Variants in ZNF536 observed in about 807,000 individuals in gnomAD.
The protein encoded by ZNF536 is zinc finger protein 536.
Under a neutral mutation model 84.5 loss-of-function variants are expected in ZNF536, and 13 were observed. The observed-to-expected ratio is 0.15, with a 90% CI of 0.10 to 0.24. ZNF536 has a LOEUF of 0.24. Ranked by LOEUF, ZNF536 falls within the 10% of genes least tolerant of loss-of-function variation. The pLI, the probability that ZNF536 is intolerant of heterozygous loss-of-function variation, is 1.00. For missense variants in ZNF536, 1,536 were observed against 1,747.5 expected (o/e 0.88, Z 2.16); for synonymous variants, 811 against 742.5 (o/e 1.09, Z -1.50).
chr19:30,544,773 C>T (rs2045476838), intron 3 of ZNF536, among the ~76,000 whole-genome samples: 1 of 152,190 alleles, frequency 6.6e-6, no homozygotes, highest in South Asian at 2.1e-4. Flanking sequence ...ACAAGTAGCA[C>T]TGGCTCTATT....
intron 2 of ZNF536, among the ~76,000 whole-genome samples, chr19:30,509,431 A>G (rs568621929): frequency 2.0e-5 from 3 of 148,196 alleles, no homozygotes; most frequent in Non-Finnish European, 4.5e-5. Flanking sequence ...TATAATATAT[A>G]ATGTATGCAT....
chr19:30,256,834 T>C (rs897378216), intron 1 of ZNF536, among the ~76,000 whole-genome samples: 1 of 152,236 alleles, frequency 6.6e-6, no homozygotes, highest in Non-Finnish European at 1.5e-5. Flanking sequence ...AATATTCATT[T>C]ATCAGTATTG....
intron 1 of ZNF536, among the ~76,000 whole-genome samples, chr19:30,682,682 C>T (rs567652222): frequency 3.3e-5 from 5 of 152,290 alleles, no homozygotes; most frequent in Admixed American, 1.3e-4. Flanking sequence ...TCCTGCCCTC[C>T]CTCTCTGCCT....
In ZNF536 at chr19:30,444,492, G is replaced by A. The variant is rs1436054389; in HGVS notation, c.930G>A (p.Ser310=). ...GCACGTTGTGCGACTTCGCGGCTTC[G>A]CAGGAGGAGGAGCTCATCAGCCACG... The part of the protein sequence containing the change: ...YKCTLCDFAA[S]QEEELISHVE... Residue 310 remains serine (S), a synonymous_variant, in exon 2 of 5, where the codon TCG becomes TCA. Transcript: ENST00000355537. 6.2e-7 allele frequency: 1 copy of A among 1,611,454 alleles called. No individual in the cohort carries two copies. The highest frequency in any genetic ancestry group is 8.5e-7 in the Non-Finnish European group (1 of 1,179,754).
intron 1 of ZNF536, among the ~76,000 whole-genome samples, chr19:30,653,104 G>C (rs1014536367): frequency 1.3e-5 from 2 of 152,224 alleles, no homozygotes; most frequent in Non-Finnish European, 2.9e-5. Context: ...CTGGAGAGGA[G>C]AGAGGGTTTC....
chr19:30,250,515 T>C (rs2024546019), intron 1 of ZNF536, among the ~76,000 whole-genome samples: 1 of 152,144 alleles, frequency 6.6e-6, no homozygotes, highest in Non-Finnish European at 1.5e-5. Flanking sequence ...TTTGCTGAAG[T>C]CGGGTCTGCA....
intron 1 of ZNF536, among the ~76,000 whole-genome samples, chr19:30,272,547 T>C (rs2025910394): frequency 6.6e-6 from 1 of 152,216 alleles, no homozygotes; most frequent in South Asian, 2.1e-4. Flanking sequence ...GTGGTTTCAC[T>C]GCCCTAAAAA....
intron 3 of ZNF536, among the ~76,000 whole-genome samples, chr19:30,543,437 T>C (rs1475553131): frequency 6.6e-6 from 1 of 152,206 alleles, no homozygotes; most frequent in Non-Finnish European, 1.5e-5. Flanking sequence ...GCCTGTACCA[T>C]GGGGCTGCCC....
intron 1 of ZNF536, among the ~76,000 whole-genome samples, chr19:30,258,339 C>G (rs1050853737): frequency 2.6e-5 from 4 of 152,216 alleles, no homozygotes; most frequent in Non-Finnish European, 5.9e-5. Context: ...AGGAGCTTCA[C>G]AGATAACCAG....
intron 1 of ZNF536, among the ~76,000 whole-genome samples, chr19:30,373,708 C>G (rs1181824030): frequency 6.6e-6 from 1 of 152,210 alleles, no homozygotes; most frequent in Non-Finnish European, 1.5e-5. Flanking sequence ...GCTATCACAA[C>G]GCAGAGAAAG....
chr19:30,649,849 T>A (rs1374435532), intron 1 of ZNF536, among the ~76,000 whole-genome samples: 3 of 152,178 alleles, frequency 2.0e-5, no homozygotes, highest in African/African-American at 7.2e-5. Flanking sequence ...GACGTTTTAA[T>A]TGTTAGTTTA....
rs2045387072 is a variant in ZNF536 at position 30,280,133 on chromosome 19, G to T, written c.-189-3939G>T. Among the ~76,000 whole-genome samples the T allele has an allele frequency of 2.6e-5, 4 of 152,018 alleles. No individual in the cohort carries two copies. In the South Asian group the frequency reaches 8.3e-4, roughly 32 times the overall value. ...CCGCCTCGCCTCCATCTGTCCATCT[G>T]CACTTTCATCCTTCCATCCGCCTCA... On this transcript the variant is annotated intron_variant, in intron 1 of 5. Coordinates refer to the ZNF536 transcript ENST00000585628.
At chr19:30,357,485 G>T (rs189220459) in intron 3 of ZNF536, among the ~76,000 whole-genome samples, 27 of 152,242 alleles carry the variant, frequency 1.8e-4, no homozygotes, top group Non-Finnish European at 4.4e-5. Flanking sequence ...ACCAGAGGGA[G>T]TGTCTTGAGA....
At chr19:30,679,976 G>A (rs533350555) in intron 1 of ZNF536, among the ~76,000 whole-genome samples, 4 of 152,116 alleles carry the variant, frequency 2.6e-5, no homozygotes, top group Non-Finnish European at 5.9e-5. Context: ...CAGGGCCTCT[G>A]TCTCCACTGT....
rs1341060822 is a variant in ZNF536 at position 30,445,380 on chromosome 19, T to A, written c.1818T>A (p.Asp606Glu). The A allele has an allele frequency of 2.5e-6, 4 of 1,613,944 alleles. No homozygotes were observed. Among genetic ancestry groups the A allele is most frequent in the Admixed American group, 1.7e-5 (1 of 60,000 alleles). The change falls in exon 2 of 5, where the codon GAT (aspartate) becomes GAA (glutamate). Residue 606 changes from aspartate to glutamate, a missense_variant. Asp to Glu is a conservative substitution (Grantham distance 45). This residue lies in a region of ZNF536 where 366 missense variants were observed against 364.4 expected (regional missense o/e 1.00). Transcript: ENST00000355537. This position sits in a 1 kb window ranked among gnomAD's most constrained non-coding sequence, Gnocchi z 4.5. ...TCGACCCTTTAGAAAGCAGTCGGGA[T>A]TTTTTGTCACACGGGCTGAACCAGA... ...SKLDPLESSR[D>E]FLSHGLNQTL...
intron 1 of ZNF536, among the ~76,000 whole-genome samples, chr19:30,400,373 G>A (rs919897246): frequency 6.6e-6 from 1 of 152,132 alleles, no homozygotes; most frequent in Non-Finnish European, 1.5e-5. Context: ...CAGGTTGTTT[G>A]CATCCTCAGC....
intron 1 of ZNF536, among the ~76,000 whole-genome samples, chr19:30,643,166 C>G (rs4804939): frequency 3.3e-4 from 51 of 152,324 alleles, no homozygotes; most frequent in Middle Eastern, 3.4e-3. Flanking sequence ...TGCTTCTTCT[C>G]CTGCTGGGTT....
At chr19:30,542,250 G>T (rs1599744337) in intron 3 of ZNF536, among the ~76,000 whole-genome samples, 6 of 152,268 alleles carry the variant, frequency 3.9e-5, no homozygotes, top group Admixed American at 3.9e-4. Context: ...TAACTCCCTG[G>T]AACAGTGAGG....
At chr19:30,695,089 G>A (rs1346896615) in intron 1 of ZNF536, among the ~76,000 whole-genome samples, 1 of 152,196 alleles carries the variant, frequency 6.6e-6, no homozygotes, top group Non-Finnish European at 1.5e-5. Flanking sequence ...GGGACCCCCT[G>A]GAACACAGAG....
Sources: gnomAD v4.1 joint callset for allele counts (sites outside exome capture counted in the v4.1 genomes callset) on GRCh38, gnomAD v4.1.1 for gene constraint, gnomAD v4.1.1 regional missense constraint, Gnocchi (gnomAD v3.1) non-coding constraint, MANE v1.5 for transcripts, NCBI Gene and HGNC (gene_info 2026-07-23, HGNC 2026-07-21) for gene names.